The following SEZ6L variants were observed in gnomAD, a reference collection of about 807,000 sequenced individuals.
The protein encoded by SEZ6L is seizure related 6 homolog like, also known as seizure 6-like protein.
A neutral mutation model predicts 106.2 loss-of-function variants in SEZ6L; 37 were observed. The ratio of observed to expected loss-of-function variants is 0.35; its 90% CI spans 0.27 to 0.46. The LOEUF is 0.46. Among genes scored for constraint, SEZ6L ranks in the 20% least tolerant of loss-of-function variants. The pLI, the probability that SEZ6L is intolerant of heterozygous loss-of-function variation, is 1.00. For synonymous variants in SEZ6L, 541 were observed against 570.4 expected, an observed-to-expected ratio of 0.95 and a Z score of 0.73; for missense variants, 1,172 against 1,332.8, an observed-to-expected ratio of 0.88 and a Z score of 1.88.
intron 14 of SEZ6L, among the ~76,000 whole-genome samples, chr22:26,374,086 G>A (rs574670926): frequency 2.0e-5 from 3 of 151,846 alleles, no homozygotes; most frequent in South Asian, 2.1e-4. Flanking sequence ...AACCCCTCCC[G>A]TGTGTAAAAT....
At chr22:26,186,081 G>C (rs117347633) in intron 1 of SEZ6L, among the ~76,000 whole-genome samples, 1,597 of 152,038 alleles carry the variant, frequency 0.011, 24 homozygotes, top group South Asian at 0.083. Context: ...CAGGTTTGCC[G>C]CACACCGGGG....
At chr22:26,225,382 T>G (rs2078606333) in intron 1 of SEZ6L, among the ~76,000 whole-genome samples, 2 of 152,156 alleles carry the variant, frequency 1.3e-5, no homozygotes, top group Admixed American at 1.3e-4. Flanking sequence ...TGACTAGTTT[T>G]GAGCAGCGGG....
At chr22:26,278,472 T>C (rs2145853160) in intron 1 of SEZ6L, among the ~76,000 whole-genome samples, 1 of 152,326 alleles carries the variant, frequency 6.6e-6, no homozygotes, top group South Asian at 2.1e-4. Flanking sequence ...CTCCAGTGTC[T>C]ACTATTTCCA....
rs1454384550 is a variant in SEZ6L at position 26,365,557 on chromosome 22, G to A, written c.2785G>A (p.Val929Met). The A allele has an allele frequency of 1.1e-5, 17 of 1,612,764 alleles. No homozygotes were observed. The highest frequency in any genetic ancestry group is 4.5e-5 in the East Asian group (2 of 44,870). ...ATCCCACTGGAACGGGCCCCTGCCC[G>A]TGTGTAAAGGTAAAGAAACCTACTC... is the stretch of plus-strand genomic sequence containing the variant. ...QPSHWNGPLP[V>M]CKVNQDSFEH... Residue 929 changes from valine to methionine, a missense_variant, in exon 13 of 17, where the codon GTG becomes ATG. Val to Met is a conservative substitution (Grantham distance 21). Around this residue, in one of 4 missense-constraint regions of SEZ6L, gnomAD observed 141 missense variants for 176.0 expected, o/e 0.80. Coordinates refer to ENST00000248933, the MANE Select transcript of SEZ6L (RefSeq NM_021115.5).
chr22:26,311,360 G>C (rs1396328103), intron 7 of SEZ6L, among the ~76,000 whole-genome samples: 1 of 152,186 alleles, frequency 6.6e-6, no homozygotes, highest in Non-Finnish European at 1.5e-5. Context: ...GGTTCGCTGG[G>C]CATTTCATGT....
At chr22:26,357,460 A>T (rs1385088327) in intron 12 of SEZ6L, among the ~76,000 whole-genome samples, 2 of 152,094 alleles carry the variant, frequency 1.3e-5, no homozygotes, top group Non-Finnish European at 2.9e-5. Flanking sequence ...AATCGTCAGC[A>T]CCACCTCCTC....
At chr22:26,314,031 A>C in intron 9 of SEZ6L, 129 bp downstream of exon 9, 2 of 861,510 alleles carry the variant, frequency 2.3e-6, no homozygotes, top group Non-Finnish European at 3.7e-6. Flanking sequence ...TATGCAGAGA[A>C]CAGGCATTCC....
At chr22:26,266,331 C>T (rs913198991) in intron 1 of SEZ6L, among the ~76,000 whole-genome samples, 14 of 150,206 alleles carry the variant, frequency 9.3e-5, no homozygotes, top group Admixed American at 4.0e-4. Flanking sequence ...GAGGCCAAGG[C>T]GGGTGGATCA....
chr22:26,318,381 C>T (rs1176995356), intron 9 of SEZ6L, among the ~76,000 whole-genome samples: 1 of 147,256 alleles, frequency 6.8e-6, no homozygotes, highest in Non-Finnish European at 1.5e-5. Flanking sequence ...GCCATAATTT[C>T]AATTTTTAAA....
At chr22:26,304,416 GAAA>G (rs1758541571) in intron 5 of SEZ6L, among the ~76,000 whole-genome samples, 1 of 141,908 alleles carries the variant, frequency 7.0e-6, no homozygotes, top group Admixed American at 7.1e-5. Flanking sequence ...AAGAAAGAAA[GAAA>G]GAAAGAAAGA....
intron 16 of SEZ6L, among the ~76,000 whole-genome samples, chr22:26,379,036 G>A (rs113474474): frequency 0.011 from 1,652 of 152,296 alleles, 32 homozygotes; most frequent in African/African-American, 0.038. Flanking sequence ...TACAAACAAG[G>A]CAGCAACTGG....
intron 1 of SEZ6L, among the ~76,000 whole-genome samples, chr22:26,263,007 G>C (rs1471114980): frequency 6.6e-6 from 1 of 152,162 alleles, no homozygotes; most frequent in Non-Finnish European, 1.5e-5. Context: ...TTCAGTCTCA[G>C]AATTAATGTC....
intron 1 of SEZ6L, among the ~76,000 whole-genome samples, chr22:26,263,724 C>T (rs1430394765): frequency 2.0e-5 from 3 of 152,216 alleles, no homozygotes; most frequent in African/African-American, 7.2e-5. Context: ...TCAGCATTTA[C>T]AGTGCAGGAA....
rs118084266 is a variant in SEZ6L at position 26,313,220 on chromosome 22, A to G, written c.1877-544A>G. 2.5e-3 allele frequency among the ~76,000 whole-genome samples: 383 copies of G among 152,318 alleles called. 8 individuals carry two copies. The East Asian group carries it at 0.059, about 24-fold the overall frequency. ...ATCGAGCAGCTACCATGTGCCAGACACTGTGCAGCATGTTTGACATTCATG... is the reference window on the plus strand; with the variant it reads ...ATCGAGCAGCTACCATGTGCCAGACGCTGTGCAGCATGTTTGACATTCATG... On this transcript the variant is annotated intron_variant, in intron 8 of 16. Coordinates refer to ENST00000248933, the MANE Select transcript of SEZ6L (RefSeq NM_021115.5).
At chr22:26,249,273 G>C (rs28405997) in intron 1 of SEZ6L, among the ~76,000 whole-genome samples, 2 of 151,992 alleles carry the variant, frequency 1.3e-5, no homozygotes, top group East Asian at 1.9e-4. Context: ...TTATTCCTCC[G>C]ATCTAGCTGT....
At chr22:26,305,590 C>T (rs557806071) in intron 5 of SEZ6L, among the ~76,000 whole-genome samples, 1 of 152,304 alleles carries the variant, frequency 6.6e-6, no homozygotes, top group Admixed American at 6.5e-5. Flanking sequence ...AAATATATTT[C>T]TTCTTTTGTG....
At chr22:26,250,002 A>G (rs1276065707) in intron 1 of SEZ6L, among the ~76,000 whole-genome samples, 3 of 152,066 alleles carry the variant, frequency 2.0e-5, no homozygotes, top group Non-Finnish European at 4.4e-5. Context: ...ACATTGTCAC[A>G]TTTTTAATCA....
intron 3 of SEZ6L, among the ~76,000 whole-genome samples, chr22:26,294,840 T>C (rs2081247597): frequency 6.6e-6 from 1 of 151,908 alleles, no homozygotes; most frequent in African/African-American, 2.4e-5. Flanking sequence ...GCTTGCTTGC[T>C]TGCTTCCTGC....
At chr22:26,191,473 A>G (rs1940203620) in intron 1 of SEZ6L, among the ~76,000 whole-genome samples, 1 of 152,084 alleles carries the variant, frequency 6.6e-6, no homozygotes, top group South Asian at 2.1e-4. Flanking sequence ...TCCTCAGCAA[A>G]CTAATGCAGA....
Sources: allele counts gnomAD v4.1 joint callset (sites outside exome capture counted in the v4.1 genomes callset), GRCh38; gene constraint gnomAD v4.1.1; regional missense constraint gnomAD v4.1.1; transcripts MANE v1.5; gene names NCBI Gene and HGNC (gene_info 2026-07-23, HGNC 2026-07-21).